Variants in ADAMTS17 observed in about 807,000 individuals in gnomAD.
The protein encoded by ADAMTS17 is ADAM metallopeptidase with thrombospondin type 1 motif 17.
A neutral mutation model predicts 141.5 loss-of-function variants in ADAMTS17; 113 were observed. That is an observed-to-expected ratio of 0.80 (90% CI 0.69 to 0.93). The LOEUF (loss-of-function observed/expected upper bound fraction) is 0.93, where lower values mean the gene tolerates loss of function less well. Ranked by LOEUF, ADAMTS17 falls within the 40% of genes least tolerant of loss-of-function variation. The probability of loss-of-function intolerance (pLI) is 0.00; values close to 1 mark genes in which losing one functional copy is unlikely to be tolerated. For synonymous variants in ADAMTS17, 768 were observed against 630.6 expected (o/e 1.22, Z -3.27); for missense variants, 1,659 against 1,517.9 (o/e 1.09, Z -1.54).
intron 18 of ADAMTS17, among the ~76,000 whole-genome samples, chr15:100,020,744 C>G (rs536583981): frequency 6.6e-6 from 1 of 152,342 alleles, no homozygotes; most frequent in East Asian, 1.9e-4. Flanking sequence ...AGGCTAGAGC[C>G]ATGTGGAGAC....
At chr15:100,020,375 C>T (rs2061381637) in intron 18 of ADAMTS17, among the ~76,000 whole-genome samples, 1 of 152,188 alleles carries the variant, frequency 6.6e-6, no homozygotes, top group South Asian at 2.1e-4. Flanking sequence ...GAAGCGCTCC[C>T]TCAGCAACTG....
At chr15:100,071,960 C>T (rs1203648232) in intron 15 of ADAMTS17, among the ~76,000 whole-genome samples, 1 of 150,126 alleles carries the variant, frequency 6.7e-6, no homozygotes, top group African/African-American at 2.5e-5. Context: ...AAGAGGAAGT[C>T]AAATTGTCCC....
intron 15 of ADAMTS17, among the ~76,000 whole-genome samples, chr15:100,057,670 C>A (rs1408543007): frequency 6.6e-6 from 1 of 152,274 alleles, no homozygotes; most frequent in East Asian, 1.9e-4. Context: ...GGATTGAACC[C>A]CACAGTTCCA....
intron 15 of ADAMTS17, among the ~76,000 whole-genome samples, chr15:100,059,708 T>G: frequency 6.6e-6 from 1 of 152,108 alleles, no homozygotes; most frequent in Non-Finnish European, 1.5e-5. Context: ...AGAGAGACAA[T>G]GCAGGTCACC....
intron 20 of ADAMTS17, chr15:99,980,807 A>G (rs2060468445): frequency 6.6e-6 from 1 of 152,270 alleles, no homozygotes; most frequent in Non-Finnish European, 1.5e-5. Context: ...ATCAATGACC[A>G]TCGTAAAACT....
In ADAMTS17 at chr15:100,261,523, C is replaced by T. The variant is rs1358486967; in HGVS notation, c.987G>A (p.Gly329=). ...CATCCACCAGGGGCGGGTCGTCCTT[C>T]CCGCCGGGAACCTGGTTATTGCCGA... The part of the protein sequence containing the change: ...RYLGNNQVPG[G]KDDPPLVDAA... Residue 329 remains glycine, a synonymous_variant, in exon 6 of 22, where the codon GGG becomes GGA. Transcript: ENST00000268070. 2.5e-6 allele frequency: 4 copies of T among 1,614,040 alleles called. No homozygotes were observed. The African/African-American group carries it at 5.3e-5, about 22-fold the overall frequency.
chr15:100,201,398 A>G (rs2035346), intron 7 of ADAMTS17, among the ~76,000 whole-genome samples: 38,580 of 152,084 alleles, frequency 0.25, 5,274 homozygotes, highest in East Asian at 0.41. Context: ...AGCCATGATT[A>G]TAAGTTTCCT....
At chr15:100,214,868 C>G (rs2041921284) in intron 7 of ADAMTS17, among the ~76,000 whole-genome samples, 1 of 152,244 alleles carries the variant, frequency 6.6e-6, no homozygotes, top group African/African-American at 2.4e-5. Context: ...ACAACGACAC[C>G]ATGAAAGAGT....
chr15:100,288,431 C>T (rs1430146665), intron 3 of ADAMTS17, among the ~76,000 whole-genome samples: 1 of 152,144 alleles, frequency 6.6e-6, no homozygotes, highest in Admixed American at 6.5e-5. Flanking sequence ...GACTTCAACA[C>T]CCTACTGACA....
At chr15:100,097,445 C>G (rs552112367) in intron 14 of ADAMTS17, among the ~76,000 whole-genome samples, 1 of 152,202 alleles carries the variant, frequency 6.6e-6, no homozygotes, top group Admixed American at 6.5e-5. Flanking sequence ...CCCGTGATGC[C>G]TGGACGAGAA....
chr15:100,041,934 G>C (rs151303265), intron 18 of ADAMTS17, among the ~76,000 whole-genome samples: 133 of 152,290 alleles, frequency 8.7e-4, no homozygotes, highest in African/African-American at 3.1e-3. Context: ...AGGTCAAAGA[G>C]TAACAATAAC....
intron 18 of ADAMTS17, among the ~76,000 whole-genome samples, chr15:100,007,403 G>A (rs748201055): frequency 6.7e-6 from 1 of 148,904 alleles, no homozygotes; most frequent in Non-Finnish European, 1.5e-5. Flanking sequence ...GGGACAACAT[G>A]CCTTGGTAGA....
At chr15:100,267,077 CGTTA>C (rs2043740350) in intron 4 of ADAMTS17, among the ~76,000 whole-genome samples, 1 of 152,144 alleles carries the variant, frequency 6.6e-6, no homozygotes, top group East Asian at 1.9e-4. Flanking sequence ...ATTACGTTCA[CGTTA>C]TTGTACAATT....
intron 18 of ADAMTS17, among the ~76,000 whole-genome samples, chr15:100,030,902 G>A (rs1210445170): frequency 6.6e-6 from 1 of 152,170 alleles, no homozygotes; most frequent in Non-Finnish European, 1.5e-5. Context: ...AGTGTCTTAC[G>A]AAATAATGGA....
intron 4 of ADAMTS17, among the ~76,000 whole-genome samples, chr15:100,264,553 G>A (rs534748660): frequency 6.6e-6 from 1 of 152,312 alleles, no homozygotes; most frequent in South Asian, 2.1e-4. Flanking sequence ...ACACGAGAAA[G>A]CAATCCTCAG....
intron 20 of ADAMTS17, among the ~76,000 whole-genome samples, chr15:99,987,718 C>T (rs944341377): frequency 3.3e-5 from 5 of 149,542 alleles, no homozygotes; most frequent in Admixed American, 6.6e-5. Flanking sequence ...GGGGTCCCCA[C>T]CACCACCCTA....
At chr15:100,332,212 A>G (rs1362333207) in intron 2 of ADAMTS17, among the ~76,000 whole-genome samples, 1 of 152,238 alleles carries the variant, frequency 6.6e-6, no homozygotes, top group African/African-American at 2.4e-5. Flanking sequence ...GACCTGCAGG[A>G]GAGCACAGCT....
At chr15:100,084,338 C>A (rs146076674) in intron 15 of ADAMTS17, among the ~76,000 whole-genome samples, 3 of 152,284 alleles carry the variant, frequency 2.0e-5, no homozygotes, top group Non-Finnish European at 2.9e-5. Context: ...TAAACAAAGC[C>A]GCCGGGAAGC....
intron 15 of ADAMTS17, among the ~76,000 whole-genome samples, chr15:100,060,523 G>T (rs2141650202): frequency 6.6e-6 from 1 of 152,348 alleles, no homozygotes; most frequent in South Asian, 2.1e-4. Context: ...TTCAGAGCTG[G>T]CTGGAGGCAG....
Sources: gnomAD v4.1 joint callset for allele counts (sites outside exome capture counted in the v4.1 genomes callset) on GRCh38, gnomAD v4.1.1 for gene constraint, MANE v1.5 for transcripts, NCBI Gene and HGNC (gene_info 2026-07-23, HGNC 2026-07-21) for gene names.